The following ARB2A variants were observed in gnomAD, a reference collection of about 807,000 sequenced individuals.
ARB2A encodes cotranscriptional regulator ARB2A.
chr5:94,074,157 T>C, the ARB2A span, among the ~76,000 whole-genome samples: 1 of 152,152 alleles, frequency 6.6e-6, no homozygotes, highest in African/African-American at 2.4e-5. Flanking sequence ...TTACTTTAGA[T>C]AGCAGATTTA....
At chr5:93,708,608 C>T in the ARB2A span, among the ~76,000 whole-genome samples, 1 of 152,288 alleles carries the variant, frequency 6.6e-6, no homozygotes, top group East Asian at 1.9e-4. Context: ...GCTGATCTGA[C>T]AGGAGGCGGA....
the ARB2A span, among the ~76,000 whole-genome samples, chr5:93,839,534 A>G: frequency 6.6e-6 from 1 of 152,118 alleles, no homozygotes; most frequent in African/African-American, 2.4e-5. Context: ...TGCTGGCCTT[A>G]TAGAATGGGT....
At chr5:94,041,676 G>T in the ARB2A span, among the ~76,000 whole-genome samples, 1 of 151,998 alleles carries the variant, frequency 6.6e-6, no homozygotes, top group African/African-American at 2.4e-5. Context: ...GTAAACATTT[G>T]GTCTAAATTA....
At chr5:93,828,099 TTAAAG>T in the ARB2A span, among the ~76,000 whole-genome samples, 1 of 152,142 alleles carries the variant, frequency 6.6e-6, no homozygotes, top group Non-Finnish European at 1.5e-5. Context: ...CATATGAACT[TTAAAG>T]TAGTTTTTTT....
chr5:93,929,176 T>C, the ARB2A span, among the ~76,000 whole-genome samples: 2 of 152,142 alleles, frequency 1.3e-5, no homozygotes, highest in Admixed American at 6.6e-5. Flanking sequence ...GTTCTTTTCA[T>C]ATCAATGCAT....
At chr5:93,889,037 T>G in the ARB2A span, among the ~76,000 whole-genome samples, 1 of 151,876 alleles carries the variant, frequency 6.6e-6, no homozygotes, top group African/African-American at 2.4e-5. Flanking sequence ...CAGTAGAAAA[T>G]TTTAAATCCA....
At chr5:94,086,089 A>T in the ARB2A span, among the ~76,000 whole-genome samples, 12 of 152,214 alleles carry the variant, frequency 7.9e-5, no homozygotes, top group Non-Finnish European at 1.6e-4. Flanking sequence ...TGAATCTTGG[A>T]TTCAGGGGTA....
chr5:93,880,874 A>C, the ARB2A span, among the ~76,000 whole-genome samples: 1 of 151,576 alleles, frequency 6.6e-6, no homozygotes, highest in Admixed American at 6.6e-5. Flanking sequence ...CTATCCCTAC[A>C]CTATTTTGGC....
the ARB2A span, among the ~76,000 whole-genome samples, chr5:93,976,566 G>A: frequency 8.6e-3 from 1,305 of 152,278 alleles, 16 homozygotes; most frequent in Middle Eastern, 0.037. Context: ...ATGATAGTGA[G>A]TGAATTTTCA....
the ARB2A span, among the ~76,000 whole-genome samples, chr5:93,971,954 T>C: frequency 1.3e-5 from 2 of 152,136 alleles, no homozygotes; most frequent in African/African-American, 4.8e-5. Context: ...GTGGTGCCAG[T>C]TGCTGAAGGA....
chr5:93,801,525 T>A, the ARB2A span, among the ~76,000 whole-genome samples: 1 of 152,140 alleles, frequency 6.6e-6, no homozygotes, highest in South Asian at 2.1e-4. Flanking sequence ...TAATGTTAGC[T>A]GAACTAAATT....
the ARB2A span, among the ~76,000 whole-genome samples, chr5:93,912,587 G>A: frequency 4.0e-5 from 6 of 151,128 alleles, no homozygotes; most frequent in African/African-American, 1.2e-4. Context: ...TAAAATTATG[G>A]AAATTTTATT....
the ARB2A span, among the ~76,000 whole-genome samples, chr5:93,884,317 A>T: frequency 6.6e-6 from 1 of 151,674 alleles, no homozygotes; most frequent in African/African-American, 2.4e-5. Context: ...TTGAAAAATT[A>T]TCGTGCCTAC....
the ARB2A span, among the ~76,000 whole-genome samples, chr5:93,947,562 A>T: frequency 9.2e-5 from 14 of 151,456 alleles, no homozygotes; most frequent in South Asian, 2.7e-3. Flanking sequence ...CATGTGCACA[A>T]TGTGCAGGTT....
chr5:93,809,498 A>C, the ARB2A span, among the ~76,000 whole-genome samples: 1 of 152,096 alleles, frequency 6.6e-6, no homozygotes, highest in Non-Finnish European at 1.5e-5. Context: ...GTTTCAGTTT[A>C]ACCTAGTAAG....
the ARB2A span, chr5:93,741,739 G>C: frequency 5.8e-6 from 4 of 694,548 alleles, no homozygotes; most frequent in Admixed American, 1.3e-4. Flanking sequence ...CTGGGTCCTA[G>C]GGTTAAGGGA....
chr5:93,826,591 T>C, the ARB2A span, among the ~76,000 whole-genome samples: 2 of 151,994 alleles, frequency 1.3e-5, no homozygotes, highest in Non-Finnish European at 2.9e-5. Flanking sequence ...TTTTAAAATG[T>C]TTTTTTAATT....
chr5:93,629,856 A>G, the ARB2A span, among the ~76,000 whole-genome samples: 72 of 152,318 alleles, frequency 4.7e-4, no homozygotes, highest in Non-Finnish European at 9.1e-4. Context: ...TTAACAAGAA[A>G]AAGGAGTATG....
At chr5:93,814,791 C>A in the ARB2A span, among the ~76,000 whole-genome samples, 1 of 152,186 alleles carries the variant, frequency 6.6e-6, no homozygotes, top group Non-Finnish European at 1.5e-5. Context: ...GGAAACATTT[C>A]TTGCCTTGAG....
Sources: allele counts gnomAD v4.1 joint callset (sites outside exome capture counted in the v4.1 genomes callset), GRCh38; gene constraint gnomAD v4.1.1; transcripts MANE v1.5; gene names NCBI Gene and HGNC (gene_info 2026-07-23, HGNC 2026-07-21).